Variants in UPF2 observed in about 807,000 individuals in gnomAD.
The protein encoded by UPF2 is regulator of nonsense transcripts 2.
In UPF2, 17 loss-of-function variants were observed where a neutral mutation model predicts 141.4. The ratio of observed to expected loss-of-function variants is 0.12; its 90% CI spans 0.08 to 0.18. The LOEUF is 0.18. Among genes scored for constraint, UPF2 ranks in the 10% least tolerant of loss-of-function variants. The pLI is 1.00. For synonymous variants in UPF2, 540 were observed against 498.0 expected (o/e 1.08, Z -1.12); for missense variants, 1,152 against 1,515.9 (o/e 0.76, Z 3.99).
chr10:11,995,715 G>A (rs1032949266), intron 8 of UPF2, among the ~76,000 whole-genome samples: 8 of 151,958 alleles, frequency 5.3e-5, no homozygotes, highest in African/African-American at 1.5e-4. Context: ...CCCTGGAGTC[G>A]GAGGTTGCAG....
chr10:12,018,908 C>A (rs1834271098), intron 3 of UPF2, among the ~76,000 whole-genome samples: 1 of 151,974 alleles, frequency 6.6e-6, no homozygotes. Context: ...TTTTGAAAAC[C>A]CACTTGAGGG....
chr10:11,987,803 A>G (rs1360330796), intron 8 of UPF2, among the ~76,000 whole-genome samples: 1 of 150,338 alleles, frequency 6.7e-6, no homozygotes, highest in East Asian at 1.9e-4. Flanking sequence ...TAAAGGATAT[A>G]ATGATAGTGT....
At chr10:12,009,397 A>G (rs1834091120) in intron 4 of UPF2, among the ~76,000 whole-genome samples, 1 of 152,192 alleles carries the variant, frequency 6.6e-6, no homozygotes, top group Non-Finnish European at 1.5e-5. Flanking sequence ...TATTAAAATG[A>G]AAAAAATCTA....
At chr10:11,934,557 C>G (rs957558503) in intron 19 of UPF2, among the ~76,000 whole-genome samples, 1 of 152,174 alleles carries the variant, frequency 6.6e-6, no homozygotes, top group Non-Finnish European at 1.5e-5. Context: ...GCCGTGAAGT[C>G]TTTGCCAGCT....
intron 2 of UPF2, among the ~76,000 whole-genome samples, chr10:12,030,088 C>A (rs1834491836): frequency 6.6e-6 from 1 of 151,896 alleles, no homozygotes; most frequent in South Asian, 2.1e-4. Flanking sequence ...GATACTGACA[C>A]TAGATTAAAA....
At chr10:11,950,535 G>A (rs1833060357) in intron 15 of UPF2, among the ~76,000 whole-genome samples, 2 of 152,098 alleles carry the variant, frequency 1.3e-5, no homozygotes, top group African/African-American at 4.8e-5. Flanking sequence ...CAAGAAGCCT[G>A]CAGTCCTTTA....
At chr10:11,958,188 A>G (rs1336308125) in intron 12 of UPF2, among the ~76,000 whole-genome samples, 2 of 152,168 alleles carry the variant, frequency 1.3e-5, no homozygotes, top group Non-Finnish European at 2.9e-5. Context: ...CCCCATCTCT[A>G]TTACATTAAA....
chr10:11,938,278 CTTA>C (rs1259688288), intron 18 of UPF2, among the ~76,000 whole-genome samples: 1 of 152,002 alleles, frequency 6.6e-6, no homozygotes, highest in East Asian at 1.9e-4. Flanking sequence ...TTGATATGCC[CTTA>C]TTATTTAATT....
chr10:11,924,414 T>C (rs973937641), intron 21 of UPF2, among the ~76,000 whole-genome samples: 4 of 151,930 alleles, frequency 2.6e-5, no homozygotes, highest in Non-Finnish European at 5.9e-5. Flanking sequence ...CATGTCTCTA[T>C]TAAAAATACA....
At position 11,959,289 on chromosome 10, in the gene UPF2, G is replaced by A; in HGVS notation, c.2252C>T (p.Ala751Val). Residue 751 changes from alanine (A) to valine (V), a missense_variant, in exon 12 of 22, where the codon GCA becomes GTA. Transcript: ENST00000357604. The surrounding 1 kb of genome is among the most constrained non-coding windows in gnomAD (Gnocchi z 5.9). ...TGGAGGTGGGTTGCAGTAGTAATAT[G>A]CATTCTCTACCATTGTGACGTATCT... is the stretch of plus-strand genomic sequence containing the variant. Reference protein sequence around the residue: ...DARYVTMVENAYYYCNPPPAE... With the variant: ...DARYVTMVENVYYYCNPPPAE... 3.1e-6 allele frequency: 5 copies of A among 1,611,968 alleles called. No individual in the cohort carries two copies. The highest frequency in any genetic ancestry group is 4.2e-6 in the Non-Finnish European group (5 of 1,179,382).
rs188000422 is a variant in UPF2 at position 12,008,972 on chromosome 10, G to A, written c.1307-4245C>T. 1.2e-4 allele frequency among the ~76,000 whole-genome samples: 18 copies of A among 152,168 alleles called. No individual in the cohort carries two copies. In the East Asian group the frequency reaches 2.7e-3, roughly 23 times the overall value. ...GGTTTTTTTCCTATGTTAGTTTGCTGAGAATGATGGCTTCCAGCTTCATCC... is the reference window on the plus strand; with the variant it reads ...GGTTTTTTTCCTATGTTAGTTTGCTAAGAATGATGGCTTCCAGCTTCATCC... On this transcript the variant is annotated intron_variant, in intron 4 of 21. Transcript: ENST00000357604.
chr10:12,022,206 G>A (rs1335524853), intron 3 of UPF2, among the ~76,000 whole-genome samples: 1 of 150,446 alleles, frequency 6.6e-6, no homozygotes, highest in African/African-American at 2.5e-5. Context: ...GAGCTCAGGA[G>A]TTCGAGACCA....
In UPF2 at chr10:11,936,821, A is replaced by T; in HGVS notation, c.3379-109T>A. 9.5e-7 allele frequency: 1 copy of T among 1,052,100 alleles called. No homozygotes were observed. The highest frequency in any genetic ancestry group is 1.3e-6 in the Non-Finnish European group (1 of 762,676). 65.2% of individuals were successfully genotyped at this position (1,052,100 alleles called of 1,614,324 possible). A position where few individuals can be genotyped will look rare whatever the true frequency, so the allele number is the denominator to read the frequency against. ...CTGTATTTCTTAAAACACAACAATCATAAGAGCCATAACAGTCAACAATTA... is the reference window on the plus strand; with the variant it reads ...CTGTATTTCTTAAAACACAACAATCTTAAGAGCCATAACAGTCAACAATTA... On this transcript the variant is annotated intron_variant, in intron 18 of 21. Transcript: ENST00000357604. This position sits in a 1 kb window ranked among gnomAD's most constrained non-coding sequence, Gnocchi z 6.6.
At chr10:11,997,873 A>C in intron 7 of UPF2, 116 bp from the exon 8 acceptor site, 4 of 1,035,674 alleles carry the variant, frequency 3.9e-6, no homozygotes, top group Non-Finnish European at 5.7e-6. Context: ...TGGTTTTAAG[A>C]AACTAGTATT....
chr10:11,924,817 A>G (rs756732805), intron 21 of UPF2, among the ~76,000 whole-genome samples: 3 of 152,042 alleles, frequency 2.0e-5, no homozygotes, highest in Non-Finnish European at 4.4e-5. Flanking sequence ...AACATTACTA[A>G]TATTAATAAC....
chr10:12,001,851 T>C (rs770844726), intron 5 of UPF2, 26 bp from the exon 6 acceptor site: 19 of 1,552,766 alleles, frequency 1.2e-5, no homozygotes, highest in Admixed American at 2.1e-5. Flanking sequence ...CAAGTATACC[T>C]AAATTCAAAG....
intron 18 of UPF2, among the ~76,000 whole-genome samples, chr10:11,938,865 TTTTTTTTTTTTTTTTTTG>T (rs1832895156): frequency 1.1e-5 from 1 of 87,402 alleles, no homozygotes; most frequent in Non-Finnish European, 2.3e-5. Flanking sequence ...TTTTTTTTTT[TTTTTTTTTTTTTTTTTTG>T]GAGACGGAGT....
chr10:12,019,594 A>G lies in UPF2; in HGVS notation c.1146-5410T>C, dbSNP rs1438997334. The stretch of plus-strand genomic sequence containing the variant: ...ATATAAACAGTAAGTAATGAGAACA[A>G]AATCTATGCCAACTCTTATGCTTTG... On this transcript the variant is annotated intron_variant, in intron 3 of 21. Coordinates refer to ENST00000357604, the MANE Select transcript of UPF2 (RefSeq NM_015542.4). The surrounding 1 kb of genome is among the most constrained non-coding windows in gnomAD (Gnocchi z 4.5). 6.6e-6 allele frequency among the ~76,000 whole-genome samples: 1 copy of G among 152,224 alleles called. No individual in the cohort carries two copies. Among genetic ancestry groups the G allele is most frequent in the African/African-American group, 2.4e-5 (1 of 41,458 alleles).
At chr10:11,949,646 TA>T (rs1833048907) in intron 15 of UPF2, among the ~76,000 whole-genome samples, 1 of 152,202 alleles carries the variant, frequency 6.6e-6, no homozygotes, top group African/African-American at 2.4e-5. Context: ...GTTAAATAAA[TA>T]CCTGTTCATG....
Sources: gnomAD v4.1 joint callset for allele counts (sites outside exome capture counted in the v4.1 genomes callset) on GRCh38, gnomAD v4.1.1 for gene constraint, Gnocchi (gnomAD v3.1) non-coding constraint, MANE v1.5 for transcripts, NCBI Gene and HGNC (gene_info 2026-07-23, HGNC 2026-07-21) for gene names.